Variants in CACTIN observed in about 807,000 individuals in gnomAD.
CACTIN encodes the protein cactin, spliceosome C complex subunit.
CACTIN carries 20 observed loss-of-function variants against 84.9 expected under a neutral mutation model. The ratio of observed to expected loss-of-function variants is 0.24; its 90% CI spans 0.17 to 0.34. The LOEUF is 0.34. Among genes scored for constraint, CACTIN ranks in the 10% least tolerant of loss-of-function variants. CACTIN has a pLI of 1.00. For synonymous variants in CACTIN, 549 were observed against 467.9 expected (o/e 1.17, Z -2.24); for missense variants, 897 against 1,117.2 (o/e 0.80, Z 2.81).
Position 3,610,748 on chromosome 19 carries a change from GAAAC to G in CACTIN, c.*1171_*1174del, listed in dbSNP as rs1201675234. ...TTTCCCACCTACAAGTCTTTTTAGA[GAAAC>G]AAACGGAACTATTTCCAGATGAGGC... On this transcript the variant is annotated 3_prime_UTR_variant, in exon 10 of 10. Transcript: ENST00000429344. 2.2e-6 allele frequency: 1 copy of G among 457,060 alleles called. No homozygotes were observed. Among genetic ancestry groups the G allele is most frequent in the Admixed American group, 2.3e-5 (1 of 42,590 alleles). The allele number at this position is 457,060 out of a possible 1,614,324, so 28.3% of individuals were successfully genotyped here.
Position 3,623,976 on chromosome 19 carries a change from G to T in CACTIN, c.354C>A (p.Ser118=). Residue 118 remains serine (S), a synonymous_variant, in exon 2 of 10, where the codon TCC becomes TCA. Coordinates refer to ENST00000429344, the MANE Select transcript of CACTIN (RefSeq NM_001080543.2). ...GGCTCTGGGATCGCCCTGGAGACGC[G>T]GAGCTGGATGCTGAGGAGCTAGGAG... ...SWSPSSSASS[S]ASPGRSQSPR... is the part of the protein sequence containing the mutation. The T allele has an allele frequency of 6.2e-7, 1 of 1,604,042 alleles. No individual in the cohort carries two copies.
chr19:3,613,301 C>T lies in CACTIN; in HGVS notation c.1543G>A (p.Ala515Thr), dbSNP rs1486337803. 2 of 1,595,292 alleles carry T rather than the reference C, an allele frequency of 1.3e-6. No homozygotes were observed. Among genetic ancestry groups the T allele is most frequent in the Non-Finnish European group, 8.5e-7 (1 of 1,174,830 alleles). Residue 515 changes from alanine to threonine, a missense_variant, in exon 9 of 10, where the codon GCC (alanine) becomes ACC (threonine). This residue lies in a region of CACTIN where 243 missense variants were observed against 239.9 expected (regional missense o/e 1.01). Transcript: ENST00000429344. ...GPSSEGGPAEAEVDGATPTEG... is the reference protein window; with the variant it reads ...GPSSEGGPAETEVDGATPTEG... ...GTCGGGGTCGCGCCGTCCACCTCGG[C>T]CTCCGCGGGGCCGCCCTCCGAGGAG...
In CACTIN at chr19:3,613,264, C is replaced by T. The variant is rs780189887; in HGVS notation, c.1580G>A (p.Gly527Asp). ...GCCCTCGCCCTCACCGTCCCCGTCG[C>T]CGTCGCCCTCTGTCGGGGTCGCGCC... ...VDGATPTEGD[G>D]DGDGEGEGEG... Residue 527 changes from glycine to aspartate, a missense_variant, in exon 9 of 10, where the codon GGC becomes GAC. Around this residue, in one of 8 missense-constraint regions of CACTIN, gnomAD observed 243 missense variants for 239.9 expected, o/e 1.01. Coordinates refer to ENST00000429344, the MANE Select transcript of CACTIN (RefSeq NM_001080543.2). The T allele has an allele frequency of 6.2e-7, 1 of 1,608,782 alleles. No individual in the cohort carries two copies. The highest frequency in any genetic ancestry group is 1.1e-5 in the South Asian group (1 of 91,026).
intron 2 of CACTIN, among the ~76,000 whole-genome samples, chr19:3,622,363 CAAAAAAAAA>C (rs34766613): frequency 3.4e-5 from 3 of 88,150 alleles, no homozygotes; most frequent in African/African-American, 1.5e-4. Context: ...GACTCCATCT[CAAAAAAAAA>C]AAAAAAAAAA....
chr19:3,620,824 G>T (rs373160165), intron 2 of CACTIN, 22 bp from the exon 3 acceptor site: 74 of 1,597,728 alleles, frequency 4.6e-5, no homozygotes, highest in Admixed American at 8.3e-5. Context: ...AGGCACACCT[G>T]CCCTGAGCAC....
intron 7 of CACTIN, chr19:3,613,981 C>G (rs2033045006): frequency 7.2e-6 from 3 of 418,342 alleles, no homozygotes; most frequent in East Asian, 8.9e-5. Context: ...CTCCAGAAAT[C>G]TGTACACAGC....
chr19:3,621,706 A>G (rs894029366), intron 2 of CACTIN, among the ~76,000 whole-genome samples: 5 of 152,170 alleles, frequency 3.3e-5, no homozygotes, highest in Admixed American at 3.3e-4. Flanking sequence ...GTGTGCCTCA[A>G]TAAAGAACTC....
intron 1 of CACTIN, among the ~76,000 whole-genome samples, chr19:3,624,663 G>A (rs1241949244): frequency 6.6e-6 from 1 of 152,138 alleles, no homozygotes; most frequent in African/African-American, 2.4e-5. Context: ...GGCTGGGGCT[G>A]GTGGCGCAGG....
chr19:3,617,206 G>T lies in CACTIN; in HGVS notation c.1162+1669C>A, dbSNP rs566163692. Among the ~76,000 whole-genome samples, 11 of 152,368 alleles carry T rather than the reference G, an allele frequency of 7.2e-5. No individual in the cohort carries two copies. In the East Asian group the frequency reaches 2.1e-3, roughly 29 times the overall value. ...AGGTGGGAGGATCACCTGAACCCAG[G>T]AAGTCGAGGCTACAGTGAGCCTTGA... On this transcript the variant is annotated intron_variant, in intron 6 of 9. Coordinates refer to ENST00000429344, the MANE Select transcript of CACTIN (RefSeq NM_001080543.2).
intron 9 of CACTIN, 126 bp downstream of exon 9, chr19:3,612,932 C>A (rs1016873431): frequency 8.5e-7 from 1 of 1,176,148 alleles, no homozygotes; most frequent in Non-Finnish European, 1.2e-6. Context: ...CTCAGAGACC[C>A]GGGGGAGAAG....
chr19:3,618,543 G>C (rs1270846546), intron 6 of CACTIN, among the ~76,000 whole-genome samples: 3 of 152,262 alleles, frequency 2.0e-5, no homozygotes, highest in Non-Finnish European at 4.4e-5. Context: ...AGCGAGACTT[G>C]CTGTCAAACA....
At chr19:3,626,089 G>A (rs1297254218) in intron 1 of CACTIN, among the ~76,000 whole-genome samples, 1 of 152,050 alleles carries the variant, frequency 6.6e-6, no homozygotes, top group Non-Finnish European at 1.5e-5. Context: ...GCCCGCTGTG[G>A]TTGACTACAG....
chr19:3,626,570 C>G (rs746757446), intron 1 of CACTIN, 26 bp downstream of exon 1: 12 of 1,404,134 alleles, frequency 8.5e-6, no homozygotes, highest in Non-Finnish European at 1.1e-5. Context: ...GCCGGATCCC[C>G]AGCGCTGCTC....
rs1275859469 is a variant in CACTIN at position 3,624,150 on chromosome 19, C to T, written c.180G>A (p.Glu60=). Reference sequence around the variant, plus strand: ...TCCCTGAGCGCTGCCACCGCTCTTCCTCTGAATCTGACCTGCGGAGAGGAC... The same window carrying T: ...TCCCTGAGCGCTGCCACCGCTCTTCTTCTGAATCTGACCTGCGGAGAGGAC... ...RRSRERRSDS[E]EERWQRSGMR... is the part of the protein sequence containing the mutation. Residue 60 remains glutamate, a synonymous_variant, in exon 2 of 10, where the codon GAG becomes GAA. Transcript: ENST00000429344. 1.9e-6 allele frequency: 3 copies of T among 1,564,124 alleles called. No individual in the cohort carries two copies. Among genetic ancestry groups the T allele is most frequent in the South Asian group, 2.3e-5 (2 of 87,550 alleles).
chr19:3,617,797 C>G (rs1277286741), intron 6 of CACTIN, among the ~76,000 whole-genome samples: 1 of 152,216 alleles, frequency 6.6e-6, no homozygotes, highest in Non-Finnish European at 1.5e-5. Context: ...GGACACACCT[C>G]TGATGCTGGA....
Position 3,619,252 on chromosome 19 carries a change from G to A in CACTIN, c.885-10C>T. ...GATGCGGATCTTGGAACTGTGGGGA[G>A]CAGGGGAAGGTGGCATCAGAGCCTG... is the stretch of plus-strand genomic sequence containing the variant. On this transcript the variant is annotated splice_polypyrimidine_tract_variant and intron_variant, in intron 4 of 9. Coordinates refer to ENST00000429344, the MANE Select transcript of CACTIN (RefSeq NM_001080543.2). 2.5e-6 allele frequency: 4 copies of A among 1,611,336 alleles called. No individual in the cohort carries two copies. The highest frequency in any genetic ancestry group is 3.4e-6 in the Non-Finnish European group (4 of 1,179,072).
Position 3,626,604 on chromosome 19 carries a change from C to G in CACTIN, c.159G>C (p.Arg53=), listed in dbSNP as rs1343066759. 2.0e-6 allele frequency: 3 copies of G among 1,483,816 alleles called. No individual in the cohort carries two copies. The highest frequency in any genetic ancestry group is 2.7e-6 in the Non-Finnish European group (3 of 1,121,320). 91.9% of individuals were successfully genotyped at this position (1,483,816 alleles called of 1,614,324 possible). The change falls in exon 1 of 10, where the codon CGG becomes CGC. Residue 53 remains arginine, a synonymous_variant. Transcript: ENST00000429344. ...EGRRRRRRRS[R]ERRSDSEEER... ...TCCCGCAGCGACCCCACCTGCGCTC[C>G]CGGCTCCGCCGCCTCCGTCTGCGCC... is the stretch of plus-strand genomic sequence containing the variant.
At chr19:3,613,878 C>T in intron 7 of CACTIN, 1 of 500,454 alleles carries the variant, frequency 2.0e-6, no homozygotes, top group Admixed American at 3.6e-5. Context: ...GGAGAAGGGG[C>T]CCAGCAGGAC....
chr19:3,612,134 C>T lies in CACTIN; in HGVS notation c.2066G>A (p.Arg689His). ...NIFYPDLIDK[R>H]STPEYFLEAC... ...CTCCAGGAAGTACTCGGGCGTGGAG[C>T]GCTTGTCGATGAGGTCGGGGTAGAA... Residue 689 changes from arginine to histidine, a missense_variant, in exon 10 of 10, where the codon CGC (arginine) becomes CAC (histidine). Arg to His is a conservative substitution (Grantham distance 29). This residue lies in a region of CACTIN where 50 missense variants were observed against 51.6 expected (regional missense o/e 0.97). Coordinates refer to ENST00000429344, the MANE Select transcript of CACTIN (RefSeq NM_001080543.2). The T allele has an allele frequency of 6.2e-7, 1 of 1,613,772 alleles. No homozygotes were observed. Among genetic ancestry groups the T allele is most frequent in the Non-Finnish European group, 8.5e-7 (1 of 1,179,904 alleles).
Sources: allele counts gnomAD v4.1 joint callset (sites outside exome capture counted in the v4.1 genomes callset), GRCh38; gene constraint gnomAD v4.1.1; regional missense constraint gnomAD v4.1.1; transcripts MANE v1.5; gene names NCBI Gene and HGNC (gene_info 2026-07-23, HGNC 2026-07-21).